The following CD69 variants were observed in gnomAD, a reference collection of about 807,000 sequenced individuals.
The protein encoded by CD69 is CD69 molecule.
Under a neutral mutation model 21.4 loss-of-function variants are expected in CD69, and 10 were observed. The ratio of observed to expected loss-of-function variants is 0.47; its 90% CI spans 0.29 to 0.79. The LOEUF (loss-of-function observed/expected upper bound fraction) is 0.79. Among genes scored for constraint, CD69 ranks in the 30% least tolerant of loss-of-function variants. The pLI, the probability that CD69 is intolerant of heterozygous loss-of-function variation, is 0.09. For missense variants in CD69, 204 were observed against 236.9 expected (o/e 0.86, Z 0.91); for synonymous variants, 63 against 78.2 (o/e 0.81, Z 1.03).
At position 9,760,848 on chromosome 12, in the gene CD69, C is replaced by G. The variant is rs1866728256; in HGVS notation, c.-28G>C. The G allele has an allele frequency of 1.3e-6, 2 of 1,588,122 alleles. No homozygotes were observed. The highest frequency in any genetic ancestry group is 1.7e-6 in the Non-Finnish European group (2 of 1,160,578). On this transcript the variant is annotated 5_prime_UTR_variant, in exon 1 of 5. Coordinates refer to ENST00000228434, the MANE Select transcript of CD69 (RefSeq NM_001781.2). ...TTATTCTCAAGATTCCCTAGTTAAT[C>G]TCAGGTCAAGTCAAGCTACAGTGAA...
rs199676648 is a variant in CD69, at chr12:9,756,390, G to T, written c.94C>A (p.Arg32Ser). The T allele has an allele frequency of 6.2e-6, 10 of 1,613,522 alleles. No homozygotes were observed. The African/African-American group carries it at 1.1e-4, about 17-fold the overall frequency. The change falls in exon 2 of 5, where the codon CGT becomes AGT. Residue 32 changes from arginine (R) to serine (S), a missense_variant. Physicochemically the swap from Arg to Ser is moderately radical, Grantham distance 110. Coordinates refer to ENST00000228434, the MANE Select transcript of CD69 (RefSeq NM_001781.2). ...NDATSPHFST[R>S]HEGSFQVPVL... is the part of the protein sequence containing the mutation. ...GGAACTTGGAAGGACCCTTCATGAC[G>T]TGTTGAGAAATGGGGACTGGTGGCA...
chr12:9,758,980 A>C (rs1008998721), intron 1 of CD69, among the ~76,000 whole-genome samples: 8 of 149,048 alleles, frequency 5.4e-5, no homozygotes, highest in African/African-American at 2.0e-4. Context: ...TCCAGGCTGG[A>C]GTGCAGTTGC....
At chr12:9,754,956 ACAATGTTTGTT>A in intron 3 of CD69, 95 bp downstream of exon 3, 2 of 964,548 alleles carry the variant, frequency 2.1e-6, no homozygotes, top group Non-Finnish European at 3.2e-6. Context: ...TGAAATAGGT[ACAATGTTTGTT>A]TGTTTGTTTG....
intron 1 of CD69, among the ~76,000 whole-genome samples, chr12:9,757,495 C>T (rs1049388330): frequency 4.6e-5 from 7 of 152,068 alleles, no homozygotes; most frequent in Non-Finnish European, 1.0e-4. Flanking sequence ...AGCCAAATTC[C>T]AGAAATAATC....
At position 9,753,528 on chromosome 12, in the gene CD69, C is replaced by A. The variant is rs1175902804; in HGVS notation, c.553G>T (p.Glu185Ter). ...ATCCAGTATAAATTCTTCTCACATT[C>A]CATGCTGCTGACCTCTGTGTTTTTC... ...FLKNTEVSSM[E>*]CEKNLYWICN... The change falls in exon 5 of 5, where the codon GAA (glutamate) becomes TAA (stop). Residue 185 changes from glutamate (E) to a stop codon, truncating the protein, a stop_gained. Coordinates refer to ENST00000228434, the MANE Select transcript of CD69 (RefSeq NM_001781.2). LOFTEE classifies it high-confidence loss of function. 6.3e-7 allele frequency: 1 copy of A among 1,585,772 alleles called. No individual in the cohort carries two copies. The highest frequency in any genetic ancestry group is 2.2e-5 in the East Asian group (1 of 44,590).
Position 9,760,778 on chromosome 12 carries a change from G to A in CD69, c.43C>T (p.His15Tyr), listed in dbSNP as rs1352891817. Residue 15 changes from histidine (H) to tyrosine (Y), a missense_variant, in exon 1 of 5, where the codon CAT becomes TAT. By Grantham distance (83) the His-to-Tyr change is moderately conservative. Coordinates refer to ENST00000228434, the MANE Select transcript of CD69 (RefSeq NM_001781.2). ...TTACTTTCTTGTCCACTCTCCGGAT[G>A]CAAAGAGCTGTTCTCTGCTACGAAA... ...NCFVAENSSL[H>Y]PESGQENDAT... is the part of the protein sequence containing the mutation. 2 of 1,612,534 alleles carry A rather than the reference G, an allele frequency of 1.2e-6. No homozygotes were observed. Among genetic ancestry groups the A allele is most frequent in the African/African-American group, 2.7e-5 (2 of 74,930 alleles).
chr12:9,753,609 CT>C lies in CD69; in HGVS notation c.492-21del. On this transcript the variant is annotated intron_variant, in intron 4 of 4. Coordinates refer to ENST00000228434, the MANE Select transcript of CD69 (RefSeq NM_001781.2). ...TTGAACCTGTCAAACAATAAAAAAA[CT>C]TAGAATTATTTTCAGCTCATTGTTT... 2 of 1,184,888 alleles carry C rather than the reference CT, an allele frequency of 1.7e-6. No individual in the cohort carries two copies. The highest frequency in any genetic ancestry group is 1.2e-6 in the Non-Finnish European group (1 of 809,664). The allele number at this position is 1,184,888 out of a possible 1,614,324, so 73.4% of individuals were successfully genotyped here. A position where few individuals can be genotyped will look rare whatever the true frequency, so the allele number is the denominator to read the frequency against.
intron 2 of CD69, 55 bp downstream of exon 2, chr12:9,756,242 G>C (rs1454932452): frequency 1.3e-6 from 2 of 1,516,552 alleles, no homozygotes; most frequent in Non-Finnish European, 1.8e-6. Flanking sequence ...TTTCAGCTGG[G>C]CATGAATGCT....
At chr12:9,756,270 G>C (rs200676279) in intron 2 of CD69, 27 bp downstream of exon 2, 349 of 1,594,734 alleles carry the variant, frequency 2.2e-4, no homozygotes, top group Admixed American at 1.0e-3. Context: ...AGGAGGCTTT[G>C]AAAGAATTGA....
intron 1 of CD69, among the ~76,000 whole-genome samples, chr12:9,757,137 A>C (rs1375538848): frequency 6.6e-6 from 1 of 152,170 alleles, no homozygotes; most frequent in African/African-American, 2.4e-5. Context: ...ATCTCCTTGT[A>C]GTTACTGTTT....
chr12:9,753,319 C>CT lies in CD69; in HGVS notation c.*161dup, dbSNP rs1459734248. On this transcript the variant is annotated 3_prime_UTR_variant, in exon 5 of 5. Coordinates refer to ENST00000228434, the MANE Select transcript of CD69 (RefSeq NM_001781.2). ...GTGCAGATTTTCCTGGAATTTCTTC[C>CT]TTTTTTTCCATAGTTCTGTTTGGAA... 2 of 404,164 alleles carry CT rather than the reference C, an allele frequency of 4.9e-6. No homozygotes were observed. The highest frequency in any genetic ancestry group is 3.8e-5 in the East Asian group (1 of 26,200). The allele number at this position is 404,164 out of a possible 1,614,324, so 25.0% of individuals were successfully genotyped here. A position where few individuals can be genotyped will look rare whatever the true frequency, so the allele number is the denominator to read the frequency against.
rs149340487 is a variant in CD69, at chr12:9,755,239, G to A, written c.210C>T (p.Gly70=). The A allele has an allele frequency of 1.4e-5, 22 of 1,613,848 alleles. No homozygotes were observed. The highest frequency in any genetic ancestry group is 1.1e-5 in the Non-Finnish European group (13 of 1,179,866). Residue 70 remains glycine, a synonymous_variant, in exon 3 of 5, where the codon GGC becomes GGT. Transcript: ENST00000228434. ...ALSVGQYNCP[G]QYTFSMPSDS... ...CTGATGGCATTGAGAATGTGTATTGGCCTGGACAATTGTATTGGCCCACTG... is the reference window on the plus strand; with the variant it reads ...CTGATGGCATTGAGAATGTGTATTGACCTGGACAATTGTATTGGCCCACTG...
At chr12:9,756,215 G>C (rs1283898828) in intron 2 of CD69, 82 bp downstream of exon 2, 1 of 1,320,208 alleles carries the variant, frequency 7.6e-7, no homozygotes, top group African/African-American at 1.5e-5. Flanking sequence ...TGATTAACTA[G>C]ACTAAACTAA....
At position 9,754,632 on chromosome 12, in the gene CD69, G is replaced by T. The variant is rs199731208; in HGVS notation, c.446C>A (p.Pro149His). Residue 149 changes from proline (P) to histidine (H), a missense_variant, in exon 4 of 5, where the codon CCT becomes CAT. By Grantham distance (77) the Pro-to-His change is moderately conservative. Transcript: ENST00000228434. ...EEHWVGLKKE[P>H]GHPWKWSNGK... The stretch of plus-strand genomic sequence containing the variant: ...ATTTGACCACTTCCATGGGTGACCA[G>T]GTTCCTTTTTCAGTCCAACCCAGTG... The T allele has an allele frequency of 1.2e-6, 2 of 1,612,896 alleles. No homozygotes were observed. The highest frequency in any genetic ancestry group is 2.2e-5 in the East Asian group (1 of 44,856).
intron 3 of CD69, 35 bp downstream of exon 3, chr12:9,755,027 A>G (rs1315391439): frequency 3.9e-6 from 6 of 1,542,056 alleles, no homozygotes; most frequent in African/African-American, 1.4e-5. Flanking sequence ...CATATGAATT[A>G]AAATAGTAGT....
Position 9,760,798 on chromosome 12 carries a change from A to G in CD69, c.23T>C (p.Val8Ala). The G allele has an allele frequency of 6.2e-7, 1 of 1,612,714 alleles. No homozygotes were observed. The highest frequency in any genetic ancestry group is 8.5e-7 in the Non-Finnish European group (1 of 1,179,782). ...CGGATGCAAAGAGCTGTTCTCTGCT[A>G]CGAAACAATTTTCAGAGCTCATCTT... MSSENCFVAENSSLHPES... is the reference protein window; with the variant it reads MSSENCFAAENSSLHPES... The change falls in exon 1 of 5, where the codon GTA becomes GCA. Residue 8 changes from valine (V) to alanine (A), a missense_variant. Physicochemically the swap from Val to Ala is moderately conservative, Grantham distance 64 (BLOSUM62 0). Transcript: ENST00000228434.
In CD69 at chr12:9,755,271, G is replaced by T. The variant is rs1389000392; in HGVS notation, c.188-10C>A. 23 of 1,610,754 alleles carry T rather than the reference G, an allele frequency of 1.4e-5. No individual in the cohort carries two copies. Among genetic ancestry groups the T allele is most frequent in the Non-Finnish European group, 2.0e-5 (23 of 1,177,462 alleles). On this transcript the variant is annotated splice_polypyrimidine_tract_variant and intron_variant, in intron 2 of 4. Transcript: ENST00000228434. ...CAATTGTATTGGCCCACTGTGAACA[G>T]AAAAATGCTTTGTTTTAGTAACAAA...
chr12:9,754,567 AGAGACTTCTG>A lies in CD69; in HGVS notation c.491+10_491+19del, dbSNP rs772672364. The stretch of plus-strand genomic sequence containing the variant: ...TGAGATGCCACCCTGGGGAATATAA[AGAGACTTCTG>A]GAGACTTACCAGTTGTTAAATTCTT... On this transcript the variant is annotated intron_variant, in intron 4 of 4. Coordinates refer to ENST00000228434, the MANE Select transcript of CD69 (RefSeq NM_001781.2). 5.8e-5 allele frequency: 80 copies of A among 1,387,180 alleles called. No homozygotes were observed. In the East Asian group the frequency reaches 1.8e-3, roughly 31 times the overall value. The allele number at this position is 1,387,180 out of a possible 1,614,324, so 85.9% of individuals were successfully genotyped here.
At chr12:9,755,301 A>T in intron 2 of CD69, 40 bp from the exon 3 acceptor site, 1 of 1,527,782 alleles carries the variant, frequency 6.5e-7, no homozygotes, top group South Asian at 1.1e-5. Flanking sequence ...AACAAAAGAA[A>T]CCAAATACCC....
Sources: allele counts gnomAD v4.1 joint callset (sites outside exome capture counted in the v4.1 genomes callset), GRCh38; gene constraint gnomAD v4.1.1; transcripts MANE v1.5; gene names NCBI Gene and HGNC (gene_info 2026-07-23, HGNC 2026-07-21).